Variants in PPP1R1C observed in about 807,000 individuals in gnomAD.
PPP1R1C encodes protein phosphatase 1 regulatory inhibitor subunit 1C.
A neutral mutation model predicts 17.4 loss-of-function variants in PPP1R1C; 15 were observed. The observed-to-expected ratio is 0.86, with a 90% CI of 0.58 to 1.33. The LOEUF (loss-of-function observed/expected upper bound fraction) is 1.33, where lower values mean the gene tolerates loss of function less well. Among genes scored for constraint, PPP1R1C ranks in the 40% most tolerant of loss-of-function variants. The probability of loss-of-function intolerance (pLI) is 0.00; values close to 1 mark genes in which losing one functional copy is unlikely to be tolerated. For synonymous variants in PPP1R1C, 35 were observed against 43.1 expected, an observed-to-expected ratio of 0.81 and a Z score of 0.73; for missense variants, 143 against 130.0, an observed-to-expected ratio of 1.10 and a Z score of -0.48.
chr2:181,994,187 C>G (rs911058594), intron 2 of PPP1R1C, among the ~76,000 whole-genome samples: 1 of 151,882 alleles, frequency 6.6e-6, no homozygotes, highest in African/African-American at 2.4e-5. Context: ...AAGCATGCTA[C>G]TGATGCTTAG....
Position 182,117,621 on chromosome 2 carries a change from G to A in PPP1R1C, c.*326G>A, listed in dbSNP as rs1400926656. ...CCTTGATGTCCTACTGATAAGGTTTGCATTCTAACAACACATGTAAATAAC... is the reference window on the plus strand; with the variant it reads ...CCTTGATGTCCTACTGATAAGGTTTACATTCTAACAACACATGTAAATAAC... On this transcript the variant is annotated 3_prime_UTR_variant, in exon 5 of 5. Transcript: ENST00000682840. 2 of 209,120 alleles carry A rather than the reference G, an allele frequency of 9.6e-6. No homozygotes were observed. Among genetic ancestry groups the A allele is most frequent in the East Asian group, 1.1e-4 (1 of 8,900 alleles). The allele number at this position is 209,120 out of a possible 1,614,324, so 13.0% of individuals were successfully genotyped here. A position where few individuals can be genotyped will look rare whatever the true frequency, so the allele number is the denominator to read the frequency against.
At chr2:182,007,382 T>C (rs1685953608) in intron 2 of PPP1R1C, among the ~76,000 whole-genome samples, 1 of 152,232 alleles carries the variant, frequency 6.6e-6, no homozygotes, top group Non-Finnish European at 1.5e-5. Context: ...TATAGTTACA[T>C]TTTATTCTAC....
Position 181,976,898 on chromosome 2 carries a change from G to T in PPP1R1C, n.157+1634G>T, listed in dbSNP as rs906371819. Reference sequence around the variant, plus strand: ...TATGCCTGTAATCCCAGCACTTTGGGATGCTGAGGCAGGTGGATCACTTGA... The same window carrying T: ...TATGCCTGTAATCCCAGCACTTTGGTATGCTGAGGCAGGTGGATCACTTGA... On this transcript the variant is annotated intron_variant and non_coding_transcript_variant, in intron 2 of 5. Transcript: ENST00000464264. The surrounding 1 kb of genome is among the most constrained non-coding windows in gnomAD (Gnocchi z 4.8). 6.6e-6 allele frequency among the ~76,000 whole-genome samples: 1 copy of T among 151,808 alleles called. No homozygotes were observed. Among genetic ancestry groups the T allele is most frequent in the Non-Finnish European group, 1.5e-5 (1 of 67,962 alleles).
intron 2 of PPP1R1C, chr2:182,030,876 G>A (rs537266522): frequency 3.2e-5 from 5 of 157,330 alleles, no homozygotes; most frequent in South Asian, 4.0e-4. Flanking sequence ...CTCTGTGGGC[G>A]TAGGACCCTC....
At chr2:182,021,180 C>T (rs1455645446) in intron 2 of PPP1R1C, among the ~76,000 whole-genome samples, 1 of 152,046 alleles carries the variant, frequency 6.6e-6, no homozygotes, top group African/African-American at 2.4e-5. Flanking sequence ...AGATTGTTGT[C>T]TCTCATGCAT....
rs925576998 is a variant in PPP1R1C, at chr2:182,018,628, A to C, written c.142+30729A>C. ...ATGAATAATTCTGAATTTCTCTTGC[A>C]AAATAAAAATTATTGTCATTCTATG... On this transcript the variant is annotated intron_variant, in intron 2 of 4. Coordinates refer to ENST00000682840, the MANE Select transcript of PPP1R1C (RefSeq NM_001080545.3). 9.2e-5 allele frequency among the ~76,000 whole-genome samples: 14 copies of C among 152,212 alleles called. 1 individual carries two copies. Among genetic ancestry groups the C allele is most frequent in the Non-Finnish European group, 4.4e-5 (3 of 68,032 alleles).
intron 2 of PPP1R1C, among the ~76,000 whole-genome samples, chr2:182,026,794 C>T (rs1574389309): frequency 6.6e-6 from 1 of 150,864 alleles, no homozygotes; most frequent in Non-Finnish European, 1.5e-5. Context: ...TGTAAATTAC[C>T]TTGGGCAGTA....
chr2:182,030,256 A>G (rs1010579738), intron 2 of PPP1R1C, among the ~76,000 whole-genome samples: 33 of 152,292 alleles, frequency 2.2e-4, no homozygotes, highest in Non-Finnish European at 3.5e-4. Flanking sequence ...TTGCTGGTGA[A>G]GAACTGCGTT....
chr2:182,031,145 A>T (rs1686821648), intron 2 of PPP1R1C, among the ~76,000 whole-genome samples: 1 of 152,214 alleles, frequency 6.6e-6, no homozygotes, highest in African/African-American at 2.4e-5. Context: ...CCGGTACCTC[A>T]GATGGAAATG....
chr2:182,007,822 G>GGCT (rs1685966239), intron 2 of PPP1R1C, among the ~76,000 whole-genome samples: 1 of 152,182 alleles, frequency 6.6e-6, no homozygotes, highest in Admixed American at 6.5e-5. Context: ...CAGCACTTTG[G>GGCT]GAGGCTGAGG....
At chr2:182,076,192 CTTTTCTTT>C (rs1688297146) in intron 4 of PPP1R1C, among the ~76,000 whole-genome samples, 1 of 25,838 alleles carries the variant, frequency 3.9e-5, no homozygotes, top group African/African-American at 1.6e-4. Flanking sequence ...TTTTTTTTTT[CTTTTCTTT>C]TTTTTTTTTT....
intron 2 of PPP1R1C, chr2:181,975,354 A>G (rs1685078175): frequency 1.3e-5 from 2 of 152,008 alleles, no homozygotes; most frequent in Admixed American, 1.3e-4. Flanking sequence ...TGGTTTGCCT[A>G]CATCAGTGAT....
At chr2:181,986,805 G>A (rs1205905872) in intron 1 of PPP1R1C, among the ~76,000 whole-genome samples, 1 of 152,078 alleles carries the variant, frequency 6.6e-6, no homozygotes, top group East Asian at 1.9e-4. Context: ...GTTTACATCT[G>A]TATCACCTTT....
intron 4 of PPP1R1C, among the ~76,000 whole-genome samples, chr2:182,115,301 A>C (rs570635408): frequency 6.6e-6 from 1 of 152,200 alleles, no homozygotes; most frequent in Non-Finnish European, 1.5e-5. Flanking sequence ...AAAAAGCTAA[A>C]GGTGAAAATG....
chr2:182,024,763 G>A (rs556545231), intron 2 of PPP1R1C, among the ~76,000 whole-genome samples: 1 of 151,916 alleles, frequency 6.6e-6, no homozygotes, highest in South Asian at 2.1e-4. Context: ...GTTGAGGCAG[G>A]ATAATTGCTT....
At chr2:182,114,461 G>A (rs1385085629) in intron 4 of PPP1R1C, among the ~76,000 whole-genome samples, 1 of 152,190 alleles carries the variant, frequency 6.6e-6, no homozygotes, top group Non-Finnish European at 1.5e-5. Context: ...CAGGAGAGGT[G>A]TAGGGAGAAA....
intron 4 of PPP1R1C, among the ~76,000 whole-genome samples, chr2:182,067,125 C>T (rs1253570038): frequency 1.3e-5 from 2 of 152,082 alleles, no homozygotes; most frequent in Admixed American, 1.3e-4. Context: ...ATTAGTATTG[C>T]ATTACCATTC....
chr2:182,057,307 A>G (rs1687715161), intron 2 of PPP1R1C, among the ~76,000 whole-genome samples: 2 of 152,276 alleles, frequency 1.3e-5, no homozygotes, highest in Admixed American at 1.3e-4. Context: ...GAGTAAAGGA[A>G]GTGCTGTGGG....
At chr2:182,074,264 A>G (rs1448763455) in intron 4 of PPP1R1C, among the ~76,000 whole-genome samples, 1 of 151,800 alleles carries the variant, frequency 6.6e-6, no homozygotes, top group Non-Finnish European at 1.5e-5. Flanking sequence ...GATGGTCTCC[A>G]TCTCCTGACC....
Sources: gnomAD v4.1 joint callset for allele counts (sites outside exome capture counted in the v4.1 genomes callset) on GRCh38, gnomAD v4.1.1 for gene constraint, Gnocchi (gnomAD v3.1) non-coding constraint, MANE v1.5 for transcripts, NCBI Gene and HGNC (gene_info 2026-07-23, HGNC 2026-07-21) for gene names.